Variants in CSMD1 observed in about 807,000 individuals in gnomAD.
The protein encoded by CSMD1 is CUB and sushi domain-containing protein 1.
Under a neutral mutation model 417.5 loss-of-function variants are expected in CSMD1, and 213 were observed. That is an observed-to-expected ratio of 0.51 (90% CI 0.46 to 0.57). The LOEUF (loss-of-function observed/expected upper bound fraction) is 0.57, where lower values mean the gene tolerates loss of function less well. Among genes scored for constraint, CSMD1 ranks in the 20% least tolerant of loss-of-function variants. The probability of loss-of-function intolerance (pLI) is 0.00; values close to 1 mark genes in which losing one functional copy is unlikely to be tolerated. For missense variants in CSMD1, 6,923 were observed against 4,529.7 expected (o/e 1.53, Z -15.17); for synonymous variants, 2,862 against 1,736.8 (o/e 1.65, Z -16.11).
chr8:4,313,750 T>G (rs1385334316), intron 3 of CSMD1, among the ~76,000 whole-genome samples: 2 of 152,118 alleles, frequency 1.3e-5, no homozygotes, highest in Non-Finnish European at 2.9e-5. Flanking sequence ...GCACAGTGGC[T>G]CACACCTGTA....
chr8:4,007,881 G>A (rs867817080), intron 4 of CSMD1, among the ~76,000 whole-genome samples: 2 of 151,830 alleles, frequency 1.3e-5, no homozygotes, highest in African/African-American at 2.4e-5. Context: ...AGAGATCTGT[G>A]GCTTTCTTAA....
At chr8:3,658,406 A>G (rs1328377103) in intron 7 of CSMD1, among the ~76,000 whole-genome samples, 3 of 150,206 alleles carry the variant, frequency 2.0e-5, no homozygotes, top group East Asian at 3.9e-4. Flanking sequence ...TCTTAAAAGT[A>G]AATGTTAGTA....
chr8:3,689,983 C>T (rs968068302), intron 7 of CSMD1, among the ~76,000 whole-genome samples: 4 of 152,178 alleles, frequency 2.6e-5, no homozygotes, highest in African/African-American at 9.7e-5. Flanking sequence ...CTGACATATG[C>T]CTAATATTTT....
rs560324257 is a variant in CSMD1, at chr8:4,000,740, T to C, written c.611-2630A>G. On this transcript the variant is annotated intron_variant, in intron 4 of 69. Transcript: ENST00000635120. ...AATAATTGTTTTTCATGTATAAATATATAATTTTATTTAATATTTAGATTT... is the reference window on the plus strand; with the variant it reads ...AATAATTGTTTTTCATGTATAAATACATAATTTTATTTAATATTTAGATTT... 2.0e-5 allele frequency among the ~76,000 whole-genome samples: 3 copies of C among 152,110 alleles called. No individual in the cohort carries two copies. In the South Asian group the frequency reaches 6.2e-4, roughly 32 times the overall value.
chr8:3,395,832 G>C (rs922255608), intron 17 of CSMD1, among the ~76,000 whole-genome samples: 2 of 151,936 alleles, frequency 1.3e-5, no homozygotes, highest in African/African-American at 4.8e-5. Flanking sequence ...CCATTGCCCA[G>C]GTTAACATAA....
chr8:4,632,281 G>C (rs550054162), intron 2 of CSMD1, among the ~76,000 whole-genome samples: 1 of 152,134 alleles, frequency 6.6e-6, no homozygotes, highest in Non-Finnish European at 1.5e-5. Flanking sequence ...GGGAGGCCGA[G>C]GTGGGCAGAT....
intron 1 of CSMD1, among the ~76,000 whole-genome samples, chr8:4,720,719 G>T (rs920833536): frequency 1.3e-5 from 2 of 152,092 alleles, no homozygotes; most frequent in African/African-American, 4.8e-5. Context: ...ACCACGACTG[G>T]CTAAATAATT....
chr8:3,312,582 G>T (rs1020667771), intron 23 of CSMD1, among the ~76,000 whole-genome samples: 1 of 152,160 alleles, frequency 6.6e-6, no homozygotes, highest in African/African-American at 2.4e-5. Context: ...ACACACAGTT[G>T]CTGGGAGAAT....
chr8:4,327,444 G>C (rs1248538308), intron 3 of CSMD1, among the ~76,000 whole-genome samples: 2 of 152,164 alleles, frequency 1.3e-5, no homozygotes, highest in Non-Finnish European at 2.9e-5. Flanking sequence ...CGGATTGTTT[G>C]CAGCCTCCAG....
chr8:4,724,720 G>A (rs293872), intron 1 of CSMD1, among the ~76,000 whole-genome samples: 49,969 of 151,906 alleles, frequency 0.33, 11,815 homozygotes, highest in African/African-American at 0.68. Context: ...ATCTTGGTAA[G>A]ATTAATCAAC....
chr8:3,746,213 G>A (rs904148532), intron 6 of CSMD1, among the ~76,000 whole-genome samples: 4 of 152,246 alleles, frequency 2.6e-5, no homozygotes, highest in African/African-American at 9.6e-5. Context: ...TATGCTGAAA[G>A]CCAGAATAAG....
intron 7 of CSMD1, among the ~76,000 whole-genome samples, chr8:3,628,865 TA>T (rs1480814952): frequency 3.9e-5 from 5 of 126,670 alleles, no homozygotes; most frequent in Non-Finnish European, 7.2e-5. Flanking sequence ...CCAAATAATC[TA>T]AGTTTTTTTA....
intron 5 of CSMD1, among the ~76,000 whole-genome samples, chr8:3,871,995 T>C (rs1023075258): frequency 2.0e-5 from 3 of 152,200 alleles, no homozygotes; most frequent in African/African-American, 7.2e-5. Flanking sequence ...CTATTTCCTA[T>C]GCAATGGTGT....
intron 5 of CSMD1, among the ~76,000 whole-genome samples, chr8:3,775,047 A>G (rs1798825274): frequency 6.6e-6 from 1 of 152,152 alleles, no homozygotes; most frequent in Non-Finnish European, 1.5e-5. Context: ...GTTACTCAGA[A>G]TAGCATACAA....
intron 3 of CSMD1, among the ~76,000 whole-genome samples, chr8:4,127,675 A>T (rs1188375579): frequency 6.6e-6 from 1 of 152,148 alleles, no homozygotes; most frequent in Non-Finnish European, 1.5e-5. Context: ...ACTTATAAGG[A>T]AGATATTAAA....
At chr8:4,722,361 G>C (rs1809113993) in intron 1 of CSMD1, among the ~76,000 whole-genome samples, 1 of 152,082 alleles carries the variant, frequency 6.6e-6, no homozygotes, top group African/African-American at 2.4e-5. Context: ...TTTTATCAAA[G>C]GCAAACTTAA....
At chr8:4,879,374 TGG>T (rs1803255533) in intron 1 of CSMD1, among the ~76,000 whole-genome samples, 1 of 152,026 alleles carries the variant, frequency 6.6e-6, no homozygotes, top group Non-Finnish European at 1.5e-5. Flanking sequence ...TATGAATAAA[TGG>T]CATGAGTAAC....
At chr8:3,689,777 T>C (rs1234408506) in intron 7 of CSMD1, among the ~76,000 whole-genome samples, 1 of 152,210 alleles carries the variant, frequency 6.6e-6, no homozygotes, top group Non-Finnish European at 1.5e-5. Flanking sequence ...AGTTATAAAG[T>C]GATTTTCACA....
At chr8:3,101,945 A>T (rs1033377689) in intron 46 of CSMD1, among the ~76,000 whole-genome samples, 15 of 151,364 alleles carry the variant, frequency 9.9e-5, no homozygotes, top group South Asian at 2.1e-4. Flanking sequence ...GGGATTACAG[A>T]TGTCTGCCAC....
Sources: gnomAD v4.1 joint callset for allele counts (sites outside exome capture counted in the v4.1 genomes callset) on GRCh38, gnomAD v4.1.1 for gene constraint, MANE v1.5 for transcripts, NCBI Gene and HGNC (gene_info 2026-07-23, HGNC 2026-07-21) for gene names.